DYNLRB2: variants seen among roughly 807,000 people sequenced by gnomAD.
DYNLRB2 encodes dynein light chain roadblock-type 2, also known as bithoraxoid-like protein.
DYNLRB2 carries 14 observed loss-of-function variants against 12.6 expected under a neutral mutation model. The ratio of observed to expected loss-of-function variants is 1.11; its 90% CI spans 0.73 to 1.73. The LOEUF (loss-of-function observed/expected upper bound fraction) is 1.73, where lower values mean the gene tolerates loss of function less well. Ranked by LOEUF, DYNLRB2 falls within the 40% of genes most tolerant of loss-of-function variation. The probability of loss-of-function intolerance (pLI) is 0.00; values close to 1 mark genes in which losing one functional copy is unlikely to be tolerated. For missense variants in DYNLRB2, 142 were observed against 117.7 expected (o/e 1.21, Z -0.95); for synonymous variants, 53 against 37.0 (o/e 1.43, Z -1.57).
chr16:80,541,325 G>C, intron 1 of DYNLRB2: 1 of 983,456 alleles, frequency 1.0e-6, no homozygotes, highest in Non-Finnish European at 1.2e-6. Context: ...GAGGGGTGAT[G>C]TTGAGAAAGG....
chr16:80,542,330 A>T (rs561284971), intron 1 of DYNLRB2, among the ~76,000 whole-genome samples: 1 of 152,240 alleles, frequency 6.6e-6, no homozygotes, highest in Non-Finnish European at 1.5e-5. Flanking sequence ...AATGGCAAGA[A>T]TCATGAATCT....
Position 80,549,622 on chromosome 16 carries a change from C to G in DYNLRB2, c.218C>G (p.Ser73Ter), listed in dbSNP as rs974883722. Reference sequence around the variant, plus strand: ...GACCTGACTTTTCTTAGGATCAGATCAAAGAAACATGAAATCATGGTAGCT... The same window carrying G: ...GACCTGACTTTTCTTAGGATCAGATGAAAGAAACATGAAATCATGGTAGCT... ...QNDLTFLRIRSKKHEIMVAPD... is the reference protein window; with the variant it reads ...QNDLTFLRIR The change falls in exon 3 of 4, where the codon TCA (serine) becomes TGA (stop). Residue 73 changes from serine to a stop codon, truncating the protein, a stop_gained. Coordinates refer to ENST00000305904, the MANE Select transcript of DYNLRB2 (RefSeq NM_130897.3). LOFTEE classifies it high-confidence loss of function. 3 of 1,606,808 alleles carry G rather than the reference C, an allele frequency of 1.9e-6. No homozygotes were observed. The highest frequency in any genetic ancestry group is 2.7e-5 in the African/African-American group (2 of 74,934).
intron 3 of DYNLRB2, among the ~76,000 whole-genome samples, chr16:80,550,200 C>A (rs1904753872): frequency 6.6e-6 from 1 of 152,190 alleles, no homozygotes. Flanking sequence ...ATCAGAATTG[C>A]TTATAAACTG....
At chr16:80,543,622 T>C (rs1904310200) in intron 2 of DYNLRB2, among the ~76,000 whole-genome samples, 1 of 152,206 alleles carries the variant, frequency 6.6e-6, no homozygotes, top group Admixed American at 6.5e-5. Flanking sequence ...TTTTAAAGCT[T>C]TGGTAATTCT....
In DYNLRB2 at chr16:80,543,257, T is replaced by C; in HGVS notation, c.4-19T>C. ...ACCACAGGGCCCTTTTGGTTAATTATCTTCCTGGTCTCTTTCAGGCAGAGG... is the reference window on the plus strand; with the variant it reads ...ACCACAGGGCCCTTTTGGTTAATTACCTTCCTGGTCTCTTTCAGGCAGAGG... On this transcript the variant is annotated intron_variant, in intron 1 of 3. Transcript: ENST00000305904. 6.2e-7 allele frequency: 1 copy of C among 1,613,512 alleles called. No individual in the cohort carries two copies. The highest frequency in any genetic ancestry group is 8.5e-7 in the Non-Finnish European group (1 of 1,179,600).
chr16:80,541,692 C>A (rs1392572970), intron 1 of DYNLRB2, among the ~76,000 whole-genome samples: 1 of 149,388 alleles, frequency 6.7e-6, no homozygotes, highest in East Asian at 2.0e-4. Context: ...ACTAGGAGCA[C>A]TTACAAATCA....
intron 1 of DYNLRB2, among the ~76,000 whole-genome samples, chr16:80,542,422 A>T (rs989764140): frequency 2.0e-5 from 3 of 152,196 alleles, no homozygotes; most frequent in African/African-American, 7.2e-5. Flanking sequence ...CATACCAAGT[A>T]CAAAGGAAAA....
rs1904783450 is a variant in DYNLRB2 at position 80,550,574 on chromosome 16, G to C, written c.*16G>C. ...ATGTGAATAGACCTGCGATGGCCAA[G>C]GCTGTTTAAGCGACACTGGGTTGGA... is the stretch of plus-strand genomic sequence containing the variant. On this transcript the variant is annotated 3_prime_UTR_variant, in exon 4 of 4. Coordinates refer to ENST00000305904, the MANE Select transcript of DYNLRB2 (RefSeq NM_130897.3). 1 of 1,614,162 alleles carries C rather than the reference G, an allele frequency of 6.2e-7. No individual in the cohort carries two copies.
intron 2 of DYNLRB2, 86 bp downstream of exon 2, chr16:80,543,437 C>G: frequency 8.1e-7 from 1 of 1,236,568 alleles, no homozygotes; most frequent in African/African-American, 1.5e-5. Context: ...CAAACATCTT[C>G]GAATTTGACA....
chr16:80,550,259 A>G (rs923688143), intron 3 of DYNLRB2, among the ~76,000 whole-genome samples: 3 of 152,184 alleles, frequency 2.0e-5, no homozygotes, highest in African/African-American at 7.2e-5. Flanking sequence ...TACACATCCA[A>G]TCACTTGGAG....
At position 80,543,029 on chromosome 16, in the gene DYNLRB2, G is replaced by T. The variant is rs534853346; in HGVS notation, c.4-247G>T. On this transcript the variant is annotated intron_variant, in intron 1 of 3. Coordinates refer to ENST00000305904, the MANE Select transcript of DYNLRB2 (RefSeq NM_130897.3). ...AAATGGAGTGAACTCCTGTGAGGCA[G>T]TAAGCTCTCTGTCTCTACAAGGGTT... Among the ~76,000 whole-genome samples, 128 of 152,214 alleles carry T rather than the reference G, an allele frequency of 8.4e-4. 1 individual carries two copies. Among genetic ancestry groups the T allele is most frequent in the Non-Finnish European group, 1.5e-3 (103 of 68,040 alleles).
At position 80,547,470 on chromosome 16, in the gene DYNLRB2, G is replaced by A. The variant is rs58847160; in HGVS notation, c.80-2014G>A. 6.6e-5 allele frequency among the ~76,000 whole-genome samples: 10 copies of A among 151,308 alleles called. No individual in the cohort carries two copies. In the East Asian group the frequency reaches 1.8e-3, roughly 27 times the overall value. On this transcript the variant is annotated intron_variant, in intron 2 of 3. Coordinates refer to ENST00000305904, the MANE Select transcript of DYNLRB2 (RefSeq NM_130897.3). Reference sequence around the variant, plus strand: ...TTGATTTTTTCCAAGTGTGTATGGCGGATATGAAAAACTCCATGTGTTTCC... The same window carrying A: ...TTGATTTTTTCCAAGTGTGTATGGCAGATATGAAAAACTCCATGTGTTTCC...
intron 2 of DYNLRB2, 25 bp downstream of exon 2, chr16:80,543,376 T>C (rs988096447): frequency 6.2e-7 from 1 of 1,612,618 alleles, no homozygotes; most frequent in Non-Finnish European, 8.5e-7. Context: ...GGCTGTCTTC[T>C]TGACACACAG....
At chr16:80,549,973 T>A (rs1904737219) in intron 3 of DYNLRB2, among the ~76,000 whole-genome samples, 1 of 152,204 alleles carries the variant, frequency 6.6e-6, no homozygotes, top group South Asian at 2.1e-4. Flanking sequence ...ATGTTCCCTG[T>A]CCTGGGGATA....
At chr16:80,549,440 T>G in intron 2 of DYNLRB2, 44 bp from the exon 3 acceptor site, 1 of 1,525,138 alleles carries the variant, frequency 6.6e-7, no homozygotes, top group African/African-American at 1.4e-5. Flanking sequence ...CTTATTACTT[T>G]TCTAATCAGA....
chr16:80,543,675 G>C (rs1904310924), intron 2 of DYNLRB2, among the ~76,000 whole-genome samples: 1 of 152,186 alleles, frequency 6.6e-6, no homozygotes, highest in South Asian at 2.1e-4. Context: ...TCATATAGAA[G>C]ATAGGGAGAA....
intron 2 of DYNLRB2, chr16:80,548,902 C>G (rs909787238): frequency 2.2e-6 from 1 of 455,936 alleles, no homozygotes; most frequent in Admixed American, 2.3e-5. Flanking sequence ...GATGTACCCT[C>G]TAGCATGTGC....
At chr16:80,550,373 A>G in intron 3 of DYNLRB2, 142 bp from the exon 4 acceptor site, 3 of 825,236 alleles carry the variant, frequency 3.6e-6, no homozygotes, top group African/African-American at 3.4e-5. Flanking sequence ...CTGAACAGGT[A>G]ATTCATACGT....
intron 2 of DYNLRB2, among the ~76,000 whole-genome samples, chr16:80,545,758 C>T (rs1243610789): frequency 7.6e-6 from 1 of 131,378 alleles, no homozygotes; most frequent in Non-Finnish European, 1.6e-5. Flanking sequence ...AGCTCTGCAG[C>T]TCTGCCTCCC....
Sources: allele counts gnomAD v4.1 joint callset (sites outside exome capture counted in the v4.1 genomes callset), GRCh38; gene constraint gnomAD v4.1.1; transcripts MANE v1.5; gene names NCBI Gene and HGNC (gene_info 2026-07-23, HGNC 2026-07-21).